Variants in SEL1L2 observed in about 807,000 individuals in gnomAD.
SEL1L2 encodes the protein protein sel-1 homolog 2.
Under a neutral mutation model 98.8 loss-of-function variants are expected in SEL1L2, and 89 were observed. That is an observed-to-expected ratio of 0.90 (90% CI 0.76 to 1.07). SEL1L2 has a LOEUF of 1.07. Ranked by LOEUF, SEL1L2 falls within the 50% of genes least tolerant of loss-of-function variation. SEL1L2 has a pLI of 0.00. For missense variants in SEL1L2, 788 were observed against 812.0 expected, an observed-to-expected ratio of 0.97 and a Z score of 0.36; for synonymous variants, 262 against 278.5, an observed-to-expected ratio of 0.94 and a Z score of 0.59.
intron 1 of SEL1L2, among the ~76,000 whole-genome samples, chr20:13,984,377 C>G (rs1326083888): frequency 6.6e-6 from 1 of 152,174 alleles, no homozygotes; most frequent in African/African-American, 2.4e-5. Flanking sequence ...AATTCTCAAG[C>G]TATTGAATTT....
chr20:13,881,123 C>T (rs1396696753), intron 10 of SEL1L2, among the ~76,000 whole-genome samples: 3 of 152,218 alleles, frequency 2.0e-5, no homozygotes, highest in Non-Finnish European at 4.4e-5. Context: ...AAGCGATTCT[C>T]CTGCCTCAGC....
intron 18 of SEL1L2, among the ~76,000 whole-genome samples, chr20:13,850,572 A>G (rs2147685497): frequency 6.6e-6 from 1 of 152,296 alleles, no homozygotes; most frequent in African/African-American, 2.4e-5. Context: ...TCAACTTGCC[A>G]TTGTTGGAAG....
chr20:13,906,865 G>A (rs2047955920), intron 5 of SEL1L2, among the ~76,000 whole-genome samples: 1 of 152,052 alleles, frequency 6.6e-6, no homozygotes, highest in South Asian at 2.1e-4. Context: ...TTTTAGTAGA[G>A]ACGGAGGTTC....
intron 4 of SEL1L2, among the ~76,000 whole-genome samples, chr20:13,914,512 C>A (rs2048323286): frequency 6.6e-6 from 1 of 152,170 alleles, no homozygotes; most frequent in Non-Finnish European, 1.5e-5. Context: ...ACCTTAATGG[C>A]TAGGGCTCTA....
At chr20:13,940,911 G>A (rs1164568167) in intron 2 of SEL1L2, among the ~76,000 whole-genome samples, 1 of 152,146 alleles carries the variant, frequency 6.6e-6, no homozygotes, top group Non-Finnish European at 1.5e-5. Context: ...AAAAGAAAAA[G>A]AGTGGGAGCA....
intron 5 of SEL1L2, among the ~76,000 whole-genome samples, chr20:13,904,236 T>C (rs1012892338): frequency 1.1e-4 from 17 of 152,216 alleles, no homozygotes; most frequent in Admixed American, 9.8e-4. Context: ...ATAAAAAATA[T>C]ATATGTATTT....
intron 2 of SEL1L2, among the ~76,000 whole-genome samples, chr20:13,951,432 T>A (rs1237522908): frequency 7.0e-6 from 1 of 142,764 alleles, no homozygotes; most frequent in African/African-American, 2.6e-5. Flanking sequence ...AAACCCCGTC[T>A]CTACTAAAAA....
At chr20:13,970,556 G>T (rs1389519822) in intron 1 of SEL1L2, among the ~76,000 whole-genome samples, 1 of 151,070 alleles carries the variant, frequency 6.6e-6, no homozygotes, top group South Asian at 2.1e-4. Flanking sequence ...GCCATGGCCG[G>T]ATGCAGTGGC....
intron 5 of SEL1L2, among the ~76,000 whole-genome samples, chr20:13,903,475 C>T (rs1430360924): frequency 2.0e-5 from 3 of 152,192 alleles, no homozygotes; most frequent in African/African-American, 7.2e-5. Flanking sequence ...ATTCCACACA[C>T]TTATGTGTGC....
chr20:13,887,505 AACATC>A (rs1185276482), intron 8 of SEL1L2, among the ~76,000 whole-genome samples: 1 of 152,232 alleles, frequency 6.6e-6, no homozygotes. Context: ...GTAAGGAAAG[AACATC>A]ACAAAGGCAA....
chr20:13,883,173 G>A (rs2046795512), intron 10 of SEL1L2, among the ~76,000 whole-genome samples: 1 of 152,076 alleles, frequency 6.6e-6, no homozygotes, highest in Admixed American at 6.6e-5. Context: ...TCAAGTTCAG[G>A]GTCATTAGGC....
At chr20:13,859,171 T>C in intron 18 of SEL1L2, 91 bp downstream of exon 18, 1 of 1,230,618 alleles carries the variant, frequency 8.1e-7, no homozygotes, top group Non-Finnish European at 1.2e-6. Context: ...TCCTCTACAT[T>C]GATGACATCA....
intron 3 of SEL1L2, among the ~76,000 whole-genome samples, chr20:13,931,004 C>G (rs1045108537): frequency 6.6e-6 from 1 of 151,668 alleles, no homozygotes; most frequent in African/African-American, 2.4e-5. Flanking sequence ...TGGTGGCACA[C>G]ACCTGTAGTC....
intron 2 of SEL1L2, among the ~76,000 whole-genome samples, chr20:13,955,187 G>A (rs2050472412): frequency 6.6e-6 from 1 of 152,060 alleles, no homozygotes; most frequent in Non-Finnish European, 1.5e-5. Context: ...TTTAGTGGAG[G>A]GAGAGTGACA....
intron 3 of SEL1L2, among the ~76,000 whole-genome samples, chr20:13,921,150 G>C (rs1386222797): frequency 6.6e-6 from 1 of 152,102 alleles, no homozygotes; most frequent in Non-Finnish European, 1.5e-5. Context: ...ACTTTTATTT[G>C]TAATTCTTTT....
intron 2 of SEL1L2, among the ~76,000 whole-genome samples, chr20:13,939,601 C>T (rs920531560): frequency 6.6e-6 from 1 of 151,736 alleles, no homozygotes; most frequent in Non-Finnish European, 1.5e-5. Flanking sequence ...TTTTAATAGC[C>T]TCCACAAATA....
At chr20:13,916,730 G>A (rs2048420193) in intron 4 of SEL1L2, among the ~76,000 whole-genome samples, 1 of 152,032 alleles carries the variant, frequency 6.6e-6, no homozygotes, top group South Asian at 2.1e-4. Context: ...CGCTTGAACT[G>A]GGGAGGTGGA....
intron 5 of SEL1L2, among the ~76,000 whole-genome samples, chr20:13,899,473 T>C (rs2047570930): frequency 6.6e-6 from 1 of 152,192 alleles, no homozygotes; most frequent in African/African-American, 2.4e-5. Context: ...CAGCATTTAC[T>C]AAGCAGATGG....
chr20:13,876,673 T>C (rs567413964), intron 11 of SEL1L2, among the ~76,000 whole-genome samples: 1 of 152,188 alleles, frequency 6.6e-6, no homozygotes, highest in South Asian at 2.1e-4. Flanking sequence ...ACTCCAGCAG[T>C]AGAGCAGAGA....
Sources: allele counts gnomAD v4.1 joint callset (sites outside exome capture counted in the v4.1 genomes callset), GRCh38; gene constraint gnomAD v4.1.1; transcripts MANE v1.5; gene names NCBI Gene and HGNC (gene_info 2026-07-23, HGNC 2026-07-21).